USP15: variants seen among roughly 807,000 people sequenced by gnomAD.
USP15 encodes ubiquitin specific peptidase 15.
A neutral mutation model predicts 127.1 loss-of-function variants in USP15; 18 were observed. That is an observed-to-expected ratio of 0.14 (90% CI 0.10 to 0.21). The LOEUF (loss-of-function observed/expected upper bound fraction) is 0.21, where lower values mean the gene tolerates loss of function less well. USP15 is among the 10% of genes least tolerant of loss of function. The pLI, the probability that USP15 is intolerant of heterozygous loss-of-function variation, is 1.00. For synonymous variants in USP15, 364 were observed against 393.7 expected (o/e 0.92, Z 0.89); for missense variants, 805 against 1,159.9 (o/e 0.69, Z 4.44).
intron 8 of USP15, among the ~76,000 whole-genome samples, chr12:62,371,984 T>A (rs1283501386): frequency 6.6e-6 from 1 of 152,120 alleles, no homozygotes; most frequent in African/African-American, 2.4e-5. Context: ...AATTTACTTT[T>A]CAGAGCTGTT....
chr12:62,413,950 A>T lies in USP15; in HGVS notation c.*9575A>T, dbSNP rs2068095279. ...GAGAGATGTACAGCTCTTCACCTGA[A>T]CATTTAGAGGCCATTGGATGGTTAT... On this transcript the variant is annotated 3_prime_UTR_variant, in exon 22 of 22. Transcript: ENST00000280377. 6.6e-6 allele frequency: 1 copy of T among 152,188 alleles called. No homozygotes were observed. The highest frequency in any genetic ancestry group is 1.5e-5 in the Non-Finnish European group (1 of 68,032). The allele number at this position is 152,188 out of a possible 1,614,324, so 9.4% of individuals were successfully genotyped here. A position where few individuals can be genotyped will look rare whatever the true frequency, so the allele number is the denominator to read the frequency against.
At chr12:62,272,493 C>T (rs548382608) in intron 1 of USP15, among the ~76,000 whole-genome samples, 16 of 151,956 alleles carry the variant, frequency 1.1e-4, no homozygotes, top group Non-Finnish European at 2.1e-4. Flanking sequence ...TCTCTGGTTT[C>T]CTAAATCCTG....
At chr12:62,373,753 C>T (rs2066747541) in intron 8 of USP15, among the ~76,000 whole-genome samples, 1 of 151,802 alleles carries the variant, frequency 6.6e-6, no homozygotes, top group African/African-American at 2.4e-5. Flanking sequence ...TAAAACAGAG[C>T]TGTAGCTGTA....
chr12:62,359,865 G>C (rs1592664419), intron 8 of USP15, among the ~76,000 whole-genome samples: 2 of 152,058 alleles, frequency 1.3e-5, no homozygotes, highest in East Asian at 3.8e-4. Flanking sequence ...CCTGCCTCCT[G>C]AGTAGTTATG....
intron 3 of USP15, among the ~76,000 whole-genome samples, chr12:62,310,175 A>G (rs1466226528): frequency 6.6e-6 from 1 of 151,950 alleles, no homozygotes. Flanking sequence ...GTTTATTTTT[A>G]TTTGTACAAA....
intron 6 of USP15, among the ~76,000 whole-genome samples, chr12:62,330,933 GA>G (rs36008434): frequency 0.33 from 39,861 of 120,202 alleles, 5,061 homozygotes; most frequent in African/African-American, 0.41. Context: ...CTCCAAAAAG[GA>G]AAAAAAAAAA....
chr12:62,315,950 A>C (rs2064819369), intron 4 of USP15, among the ~76,000 whole-genome samples: 1 of 152,128 alleles, frequency 6.6e-6, no homozygotes, highest in Non-Finnish European at 1.5e-5. Context: ...TCCCCTCTTC[A>C]TTTAGCTAGA....
chr12:62,268,364 C>G (rs1565801131), intron 1 of USP15, among the ~76,000 whole-genome samples: 1 of 152,034 alleles, frequency 6.6e-6, no homozygotes, highest in Non-Finnish European at 1.5e-5. Context: ...TTTTGAAAGA[C>G]AAATACTTGA....
At chr12:62,280,419 AT>A (rs1226522516) in intron 1 of USP15, among the ~76,000 whole-genome samples, 1 of 152,082 alleles carries the variant, frequency 6.6e-6, no homozygotes, top group Non-Finnish European at 1.5e-5. Context: ...CAGCAAATTT[AT>A]TTGTCACTGT....
At chr12:62,325,329 A>G (rs1275167282) in intron 5 of USP15, among the ~76,000 whole-genome samples, 1 of 152,064 alleles carries the variant, frequency 6.6e-6, no homozygotes, top group Admixed American at 6.5e-5. Flanking sequence ...TAAAGATTCT[A>G]TAATTTCCAT....
chr12:62,375,252 G>A (rs1214820927), intron 8 of USP15, among the ~76,000 whole-genome samples: 1 of 152,066 alleles, frequency 6.6e-6, no homozygotes, highest in Non-Finnish European at 1.5e-5. Flanking sequence ...GAAATCATAA[G>A]GGTTATTTTC....
Position 62,391,867 on chromosome 12 carries a change from T to A in USP15, c.2285T>A (p.Phe762Tyr), listed in dbSNP as rs1565910983. The change falls in exon 17 of 22, where the codon TTT becomes TAT. Residue 762 changes from phenylalanine to tyrosine, a missense_variant. Phe to Tyr is a conservative substitution (Grantham distance 22, BLOSUM62 3). Transcript: ENST00000280377. ...GATCCTGATTTGAAAAAAAGATATTTTGATGAAAATGCTGCTGAGGTAAGT... is the reference window on the plus strand; with the variant it reads ...GATCCTGATTTGAAAAAAAGATATTATGATGAAAATGCTGCTGAGGTAAGT... Reference protein sequence around the residue: ...DWDPDLKKRYFDENAAEDFEK... With the variant: ...DWDPDLKKRYYDENAAEDFEK... The A allele has an allele frequency of 1.2e-6, 2 of 1,610,112 alleles. No homozygotes were observed. The highest frequency in any genetic ancestry group is 1.7e-6 in the Non-Finnish European group (2 of 1,177,964).
chr12:62,407,465 T>TG lies in USP15; in HGVS notation c.*3091dup, dbSNP rs1184980316. Reference sequence around the variant, plus strand: ...CTTCAGTCTAAATAGAAAGACATCTTGAAGTCTAATAACTTTGCTTCTAAA... The same window carrying TG: ...CTTCAGTCTAAATAGAAAGACATCTTGGAAGTCTAATAACTTTGCTTCTAAA... On this transcript the variant is annotated 3_prime_UTR_variant, in exon 22 of 22. Transcript: ENST00000280377. 6.6e-6 allele frequency: 1 copy of TG among 152,212 alleles called. No individual in the cohort carries two copies. The highest frequency in any genetic ancestry group is 1.5e-5 in the Non-Finnish European group (1 of 68,038). 9.4% of individuals were successfully genotyped at this position (152,212 alleles called of 1,614,324 possible).
intron 20 of USP15, among the ~76,000 whole-genome samples, 172 bp downstream of exon 20, chr12:62,396,570 T>C (rs1174174196): frequency 6.6e-6 from 1 of 152,018 alleles, no homozygotes; most frequent in Non-Finnish European, 1.5e-5. Flanking sequence ...TTTTTTCACA[T>C]AGGGTATAGA....
chr12:62,402,788 G>GT (rs886299122), intron 21 of USP15, among the ~76,000 whole-genome samples: 2 of 151,954 alleles, frequency 1.3e-5, no homozygotes, highest in African/African-American at 4.8e-5. Flanking sequence ...GAATAACATT[G>GT]TTCAGTTTGT....
At chr12:62,287,720 C>T (rs945995617) in intron 1 of USP15, among the ~76,000 whole-genome samples, 7 of 151,982 alleles carry the variant, frequency 4.6e-5, no homozygotes, top group South Asian at 4.1e-4. Context: ...ATACACCTTG[C>T]GTTAATTTTT....
At chr12:62,321,271 C>A (rs1051358555) in intron 4 of USP15, among the ~76,000 whole-genome samples, 193 bp from the exon 5 acceptor site, 7 of 152,038 alleles carry the variant, frequency 4.6e-5, no homozygotes, top group African/African-American at 1.7e-4. Flanking sequence ...TGTTGGAGTA[C>A]AAATACCATT....
At chr12:62,322,387 C>T (rs1191550692) in intron 5 of USP15, among the ~76,000 whole-genome samples, 2 of 152,116 alleles carry the variant, frequency 1.3e-5, no homozygotes, top group Non-Finnish European at 2.9e-5. Flanking sequence ...CTGCCCGCCT[C>T]AGCCTCCCAA....
chr12:62,353,106 A>G (rs951178036), intron 7 of USP15, among the ~76,000 whole-genome samples: 1 of 151,996 alleles, frequency 6.6e-6, no homozygotes, highest in African/African-American at 2.4e-5. Context: ...ACAAGCCTTA[A>G]TATTTCATTT....
Sources: allele counts gnomAD v4.1 joint callset (sites outside exome capture counted in the v4.1 genomes callset), GRCh38; gene constraint gnomAD v4.1.1; transcripts MANE v1.5; gene names NCBI Gene and HGNC (gene_info 2026-07-23, HGNC 2026-07-21).